UNC93A: variants seen among roughly 807,000 people sequenced by gnomAD.
UNC93A encodes N-acetylglucosamine transporter UNC93A.
A neutral mutation model predicts 47.5 loss-of-function variants in UNC93A; 43 were observed. That is an observed-to-expected ratio of 0.91 (90% CI 0.71 to 1.17). The LOEUF (loss-of-function observed/expected upper bound fraction) is 1.17, where lower values mean the gene tolerates loss of function less well. Among genes scored for constraint, UNC93A ranks in the 50% most tolerant of loss-of-function variants. The pLI is 0.00. For missense variants in UNC93A, 605 were observed against 577.6 expected (o/e 1.05, Z -0.49); for synonymous variants, 280 against 258.0 (o/e 1.09, Z -0.82).
At chr6:167,283,639 G>A (rs960594568) in intron 1 of UNC93A, among the ~76,000 whole-genome samples, 3 of 152,124 alleles carry the variant, frequency 2.0e-5, no homozygotes, top group African/African-American at 4.8e-5. Flanking sequence ...TCACTCCCCC[G>A]CGTTGCCTGC....
At chr6:167,269,601 A>T (rs572371741), upstream of UNC93A, among the ~76,000 whole-genome samples, 68 of 152,152 alleles carry the variant, frequency 4.5e-4, no homozygotes, top group South Asian at 2.7e-3. Flanking sequence ...TTTTTAAAAA[A>T]TTTTTATTTA....
At chr6:167,271,092 G>A (rs569691699), upstream of UNC93A, 1 of 152,486 alleles carries the variant, frequency 6.6e-6, no homozygotes, top group South Asian at 2.1e-4. Flanking sequence ...GAGTCATTAG[G>A]CAGCAAGGGA....
rs1221323460 is a variant in UNC93A at position 167,291,717 on chromosome 6, C to T, written c.87+141C>T. The T allele has an allele frequency of 3.9e-6, 3 of 762,808 alleles. No homozygotes were observed. The African/African-American group carries it at 5.3e-5, about 13-fold the overall frequency. 47.3% of individuals were successfully genotyped at this position (762,808 alleles called of 1,614,324 possible). On this transcript the variant is annotated intron_variant, in intron 1 of 7. Coordinates refer to ENST00000230256, the MANE Select transcript of UNC93A (RefSeq NM_018974.4). The stretch of plus-strand genomic sequence containing the variant: ...TCACTCTGTACCAAATCCTCTAAAA[C>T]AAACAGTGGTTCTCAGATGCAGTCC...
chr6:167,273,756 T>C (rs1480273446), intron 1 of UNC93A, among the ~76,000 whole-genome samples: 1 of 152,054 alleles, frequency 6.6e-6, no homozygotes, highest in East Asian at 1.9e-4. Context: ...AAGCAGGGGC[T>C]TCCAGATCAC....
chr6:167,303,950 T>C lies in UNC93A; in HGVS notation c.657T>C (p.Ala219=). The C allele has an allele frequency of 1.2e-6, 2 of 1,613,706 alleles. No individual in the cohort carries two copies. Among genetic ancestry groups the C allele is most frequent in the Non-Finnish European group, 1.7e-6 (2 of 1,179,964 alleles). ...GSGVLAVLMI[A]AFLQPIRDVQ... Reference sequence around the variant, plus strand: ...GTGTCCTGGCTGTCCTGATGATAGCTGCGTTCCTCCAACCCATACGAGATG... The same window carrying C: ...GTGTCCTGGCTGTCCTGATGATAGCCGCGTTCCTCCAACCCATACGAGATG... Residue 219 remains alanine, a synonymous_variant, in exon 5 of 8, where the codon GCT becomes GCC. Coordinates refer to ENST00000230256, the MANE Select transcript of UNC93A (RefSeq NM_018974.4).
At position 167,315,302 on chromosome 6, in the gene UNC93A, C is replaced by A. The variant is rs140401270; in HGVS notation, c.1224C>A (p.His408Gln). The A allele has an allele frequency of 1.2e-6, 2 of 1,613,810 alleles. No individual in the cohort carries two copies. Among genetic ancestry groups the A allele is most frequent in the Non-Finnish European group, 1.7e-6 (2 of 1,179,832 alleles). ...AFGYSMFLCV[H>Q]VKLYILLGVL... ...GGTACAGCATGTTTTTGTGCGTGCA[C>A]GTCAAGCTCTACATTCTGCTGGGGG... Residue 408 changes from histidine to glutamine, a missense_variant, in exon 8 of 8, where the codon CAC (histidine) becomes CAA (glutamine). His to Gln is a conservative substitution (Grantham distance 24, BLOSUM62 0). Coordinates refer to ENST00000230256, the MANE Select transcript of UNC93A (RefSeq NM_018974.4).
intron 1 of UNC93A, among the ~76,000 whole-genome samples, chr6:167,279,258 T>G (rs564957619): frequency 5.3e-5 from 8 of 152,180 alleles, no homozygotes; most frequent in South Asian, 2.1e-4. Flanking sequence ...TAGAGAGAGA[T>G]AGATAGAGAG....
upstream of UNC93A, among the ~76,000 whole-genome samples, chr6:167,286,737 G>A (rs1267251435): frequency 6.6e-6 from 1 of 152,050 alleles, no homozygotes; most frequent in Admixed American, 6.5e-5. Context: ...CAGCACTTTG[G>A]GAGGCCGAGG....
intron 4 of UNC93A, among the ~76,000 whole-genome samples, chr6:167,302,847 A>G (rs536228043): frequency 2.0e-4 from 30 of 152,194 alleles, no homozygotes; most frequent in Non-Finnish European, 3.4e-4. Flanking sequence ...GAGAACCTTA[A>G]GTGGAAAATT....
At chr6:167,289,992 T>G (rs1783813492), upstream of UNC93A, among the ~76,000 whole-genome samples, 1 of 152,224 alleles carries the variant, frequency 6.6e-6, no homozygotes, top group African/African-American at 2.4e-5. Context: ...GAACCATATA[T>G]GTATCTTGAA....
intron 1 of UNC93A, among the ~76,000 whole-genome samples, chr6:167,279,654 G>A (rs1029133734): frequency 4.6e-5 from 7 of 152,042 alleles, no homozygotes; most frequent in African/African-American, 1.7e-4. Context: ...TTCTTTCCTT[G>A]TTTCAGTCGA....
At chr6:167,315,040 T>C (rs772407718) in intron 7 of UNC93A, 147 bp from the exon 8 acceptor site, 6 of 1,210,508 alleles carry the variant, frequency 5.0e-6, no homozygotes, top group Non-Finnish European at 6.8e-6. Flanking sequence ...TGCTATCATC[T>C]GGCATGTAAA....
chr6:167,284,749 C>G (rs960224574), intron 1 of UNC93A, among the ~76,000 whole-genome samples: 13 of 152,204 alleles, frequency 8.5e-5, no homozygotes, highest in African/African-American at 2.9e-4. Context: ...TGAGAAGGGC[C>G]CTGGTCCCGT....
In UNC93A at chr6:167,307,924, C is replaced by A; in HGVS notation, c.1108+14C>A. 6.2e-7 allele frequency: 1 copy of A among 1,612,956 alleles called. No homozygotes were observed. Among genetic ancestry groups the A allele is most frequent in the Non-Finnish European group, 8.5e-7 (1 of 1,179,428 alleles). ...CACAAAACAATGGTGAGTCCCCAGCCCAGGCCCCTTCCTCTGTGGCAGCAG... is the reference window on the plus strand; with the variant it reads ...CACAAAACAATGGTGAGTCCCCAGCACAGGCCCCTTCCTCTGTGGCAGCAG... On this transcript the variant is annotated intron_variant, in intron 7 of 7. Transcript: ENST00000230256.
chr6:167,292,581 A>C (rs1399183807), intron 1 of UNC93A, among the ~76,000 whole-genome samples: 1 of 152,198 alleles, frequency 6.6e-6, no homozygotes, highest in African/African-American at 2.4e-5. Context: ...TCAGGCTTAC[A>C]GAGGATAAAA....
chr6:167,273,589 T>C (rs951364751), intron 1 of UNC93A, among the ~76,000 whole-genome samples: 1 of 152,172 alleles, frequency 6.6e-6, no homozygotes, highest in African/African-American at 2.4e-5. Flanking sequence ...CAAACGTGAG[T>C]GACCATGGCC....
At chr6:167,293,461 T>C (rs3010541) in intron 1 of UNC93A, among the ~76,000 whole-genome samples, 77,597 of 152,044 alleles carry the variant, frequency 0.51, 22,686 homozygotes, top group African/African-American at 0.8. Context: ...ACCCTCTAAC[T>C]GGGACAGCTG....
At chr6:167,306,130 G>T (rs1778384843) in intron 6 of UNC93A, 80 bp downstream of exon 6, 1 of 1,582,796 alleles carries the variant, frequency 6.3e-7, no homozygotes, top group Admixed American at 1.7e-5. Flanking sequence ...GTCAGGACAG[G>T]CTGGAAAAGT....
At chr6:167,293,184 G>A (rs1387691617) in intron 1 of UNC93A, among the ~76,000 whole-genome samples, 4 of 152,268 alleles carry the variant, frequency 2.6e-5, no homozygotes, top group East Asian at 1.9e-4. Context: ...GATGAGCTCC[G>A]CAGCTGTGAG....
Sources: allele counts gnomAD v4.1 joint callset (sites outside exome capture counted in the v4.1 genomes callset), GRCh38; gene constraint gnomAD v4.1.1; transcripts MANE v1.5; gene names NCBI Gene and HGNC (gene_info 2026-07-23, HGNC 2026-07-21).